The following PLEKHA2 variants were observed in gnomAD, a reference collection of about 807,000 sequenced individuals.
The protein encoded by PLEKHA2 is pleckstrin homology domain containing A2.
In PLEKHA2, 28 loss-of-function variants were observed where a neutral mutation model predicts 53.2. The observed-to-expected ratio is 0.53, with a 90% CI of 0.39 to 0.72. The LOEUF is 0.72. Among genes scored for constraint, PLEKHA2 ranks in the 30% least tolerant of loss-of-function variants. The pLI is 0.00. For missense variants in PLEKHA2, 426 were observed against 537.9 expected (o/e 0.79, Z 2.06); for synonymous variants, 193 against 196.4 (o/e 0.98, Z 0.14).
At position 38,968,663 on chromosome 8, in the gene PLEKHA2, C is replaced by A. The variant is rs778803047; in HGVS notation, c.909C>A (p.His303Gln). ...IGAAVQALKC[H>Q]PRETSFSRSI... Reference sequence around the variant, plus strand: ...CAGCTGTCCAGGCCCTCAAGTGCCACCCCAGAGTAAGTCACTTCCTTTCTG... The same window carrying A: ...CAGCTGTCCAGGCCCTCAAGTGCCAACCCAGAGTAAGTCACTTCCTTTCTG... The change falls in exon 11 of 12, where the codon CAC becomes CAA. Residue 303 changes from histidine to glutamine, a missense_variant. Coordinates refer to ENST00000617275, the MANE Select transcript of PLEKHA2 (RefSeq NM_021623.2). 4 of 1,613,794 alleles carry A rather than the reference C, an allele frequency of 2.5e-6. No homozygotes were observed. Among genetic ancestry groups the A allele is most frequent in the Non-Finnish European group, 3.4e-6 (4 of 1,179,840 alleles).
intron 3 of PLEKHA2, among the ~76,000 whole-genome samples, chr8:38,939,301 C>T (rs1399239987): frequency 6.6e-6 from 1 of 152,248 alleles, no homozygotes; most frequent in Non-Finnish European, 1.5e-5. Flanking sequence ...AGTGTTTTTA[C>T]TCTGGCTTCA....
At chr8:38,968,479 A>T in intron 10 of PLEKHA2, 113 bp from the exon 11 acceptor site, 1 of 929,744 alleles carries the variant, frequency 1.1e-6, no homozygotes, top group Non-Finnish European at 1.7e-6. Context: ...GATTTCTGGG[A>T]TGCTTTCTAC....
chr8:38,924,189 A>C (rs1834243047), intron 2 of PLEKHA2, among the ~76,000 whole-genome samples: 1 of 151,796 alleles, frequency 6.6e-6, no homozygotes, highest in African/African-American at 2.4e-5. Flanking sequence ...TGTTATACCT[A>C]CTCTGCCCCA....
intron 2 of PLEKHA2, among the ~76,000 whole-genome samples, chr8:38,925,690 C>T (rs1025372904): frequency 3.3e-5 from 5 of 152,048 alleles, no homozygotes; most frequent in East Asian, 1.9e-4. Flanking sequence ...GGGTGAAGAG[C>T]GTTAGCAGTG....
At chr8:38,936,505 A>G (rs1285228267) in intron 3 of PLEKHA2, among the ~76,000 whole-genome samples, 6 of 152,258 alleles carry the variant, frequency 3.9e-5, no homozygotes, top group Non-Finnish European at 7.3e-5. Flanking sequence ...TCACCTGGAC[A>G]GGATTACTGT....
chr8:38,950,823 A>G, intron 5 of PLEKHA2, 27 bp from the exon 6 acceptor site: 1 of 1,606,224 alleles, frequency 6.2e-7, no homozygotes, highest in Non-Finnish European at 8.5e-7. Flanking sequence ...TCTGTTCCCC[A>G]TTGATTGTTG....
chr8:38,938,374 C>A (rs1834535840), intron 3 of PLEKHA2, among the ~76,000 whole-genome samples: 1 of 152,230 alleles, frequency 6.6e-6, no homozygotes, highest in African/African-American at 2.4e-5. Context: ...TTCCCCTGAT[C>A]CTGATGCCAC....
chr8:38,946,344 C>A, intron 5 of PLEKHA2, 123 bp downstream of exon 5: 1 of 737,106 alleles, frequency 1.4e-6, no homozygotes, highest in Non-Finnish European at 2.3e-6. Flanking sequence ...TGGTCTGTAC[C>A]CAGTTCTCTC....
Position 38,907,739 on chromosome 8 carries a change from A to T in PLEKHA2, c.-24+6294A>T, listed in dbSNP as rs1376480849. On this transcript the variant is annotated intron_variant, in intron 1 of 11. Coordinates refer to ENST00000617275, the MANE Select transcript of PLEKHA2 (RefSeq NM_021623.2). ...TTGTGCCACTGTACTCCAGACTGGG[A>T]GACAGAGTGAGACCATATCTCAAAA... is the stretch of plus-strand genomic sequence containing the variant. Among the ~76,000 whole-genome samples, 3 of 143,464 alleles carry T rather than the reference A, an allele frequency of 2.1e-5. No homozygotes were observed. In the East Asian group the frequency reaches 6.1e-4, roughly 29 times the overall value. The allele number at this position is 143,464 out of a possible 152,430, so 94.1% of individuals were successfully genotyped here.
chr8:38,947,034 A>G lies in PLEKHA2; in HGVS notation c.345+813A>G, dbSNP rs146164385. Among the ~76,000 whole-genome samples the G allele has an allele frequency of 8.5e-4, 129 of 152,358 alleles. 1 individual carries two copies. Among genetic ancestry groups the G allele is most frequent in the Non-Finnish European group, 7.5e-4 (51 of 68,032 alleles). ...TCTCAGGGTTCCTGTGAACAACTGT[A>G]TAGAAGAAATTTGTACACGTATATA... On this transcript the variant is annotated intron_variant, in intron 5 of 11. Coordinates refer to ENST00000617275, the MANE Select transcript of PLEKHA2 (RefSeq NM_021623.2).
chr8:38,914,922 CCTT>C (rs1372247390), intron 1 of PLEKHA2, among the ~76,000 whole-genome samples: 2 of 149,564 alleles, frequency 1.3e-5, no homozygotes, highest in South Asian at 2.1e-4. Context: ...CTTCTTTCTT[CCTT>C]CTTCTCCTTT....
At chr8:38,932,801 A>T (rs925857113) in intron 2 of PLEKHA2, among the ~76,000 whole-genome samples, 1 of 152,030 alleles carries the variant, frequency 6.6e-6, no homozygotes, top group African/African-American at 2.4e-5. Context: ...GGTGGGAGGG[A>T]GGAAGGCAGC....
At chr8:38,965,084 G>A (rs946655985) in intron 10 of PLEKHA2, among the ~76,000 whole-genome samples, 3 of 151,476 alleles carry the variant, frequency 2.0e-5, no homozygotes, top group African/African-American at 4.8e-5. Context: ...CTTATTACTT[G>A]CAAAAAGGAA....
intron 2 of PLEKHA2, among the ~76,000 whole-genome samples, chr8:38,933,937 G>A (rs1588252108): frequency 2.0e-5 from 3 of 152,068 alleles, no homozygotes; most frequent in Middle Eastern, 3.4e-3. Flanking sequence ...AGGGAAGAAC[G>A]TGAGTGCAGA....
intron 6 of PLEKHA2, 100 bp from the exon 7 acceptor site, chr8:38,952,066 C>A: frequency 7.1e-7 from 1 of 1,414,794 alleles, no homozygotes; most frequent in Non-Finnish European, 9.6e-7. Flanking sequence ...TCTTCTTTGA[C>A]TTAGGGCAAA....
chr8:38,913,938 G>A (rs1186105502), intron 1 of PLEKHA2, among the ~76,000 whole-genome samples: 1 of 152,176 alleles, frequency 6.6e-6, no homozygotes, highest in Admixed American at 6.5e-5. Context: ...GAGGCCCTGG[G>A]TCTGTCCGCA....
At chr8:38,921,131 T>C (rs1402810821) in intron 2 of PLEKHA2, among the ~76,000 whole-genome samples, 1 of 152,182 alleles carries the variant, frequency 6.6e-6, no homozygotes, top group Non-Finnish European at 1.5e-5. Context: ...ATGCTTCTGC[T>C]TTGGCTGGAG....
intron 2 of PLEKHA2, among the ~76,000 whole-genome samples, chr8:38,931,305 C>T (rs941014935): frequency 6.6e-6 from 1 of 152,048 alleles, no homozygotes; most frequent in African/African-American, 2.4e-5. Flanking sequence ...AAGATACCTC[C>T]CGAGGTGATT....
At chr8:38,933,639 C>T (rs777491028) in intron 2 of PLEKHA2, among the ~76,000 whole-genome samples, 90 of 151,900 alleles carry the variant, frequency 5.9e-4, no homozygotes, top group Non-Finnish European at 1.0e-3. Flanking sequence ...TTGGGCAGCA[C>T]GGTGTCTTTG....
Sources: allele counts gnomAD v4.1 joint callset (sites outside exome capture counted in the v4.1 genomes callset), GRCh38; gene constraint gnomAD v4.1.1; transcripts MANE v1.5; gene names NCBI Gene and HGNC (gene_info 2026-07-23, HGNC 2026-07-21).